Variants in KLF8 observed in about 807,000 individuals in gnomAD.
KLF8 encodes Krueppel-like factor 8.
In KLF8, 10 loss-of-function variants were observed where a neutral mutation model predicts 18.2. That is an observed-to-expected ratio of 0.55 (90% confidence interval 0.34 to 0.93). KLF8 has a LOEUF of 0.93. Among genes scored for constraint, KLF8 ranks in the 40% least tolerant of loss-of-function variants. The pLI, the probability that KLF8 is intolerant of heterozygous loss-of-function variation, is 0.02. For missense variants in KLF8, 264 were observed against 277.9 expected (o/e 0.95, Z 0.36); for synonymous variants, 109 against 97.3 (o/e 1.12, Z -0.71).
At chrX:56,165,798 C>A in the KLF8 span, among the ~76,000 whole-genome samples, 2 of 108,337 alleles carry the variant, frequency 1.8e-5, no homozygotes, top group African/African-American at 6.8e-5. Flanking sequence ...GAGTTCAAAG[C>A]TGTAGTGAGC....
At chrX:56,235,480 G>T (rs1319070541) in intron 1 of KLF8, among the ~76,000 whole-genome samples, 1 of 103,941 alleles carries the variant, frequency 9.6e-6, no homozygotes, top group Non-Finnish European at 2.0e-5. Context: ...GCAATGGCGT[G>T]ATCTCGGCTT....
intron 1 of KLF8, among the ~76,000 whole-genome samples, chrX:56,244,725 T>C (rs1284073278): frequency 8.9e-6 from 1 of 112,290 alleles, no homozygotes; most frequent in Non-Finnish European, 1.9e-5. Context: ...CTACTCTTAA[T>C]TCCTCTGGAA....
chrX:55,950,603 G>A, the KLF8 span, among the ~76,000 whole-genome samples: 26 of 111,475 alleles, frequency 2.3e-4, no homozygotes, highest in Admixed American at 2.3e-3. Flanking sequence ...GTAACACTAA[G>A]TGATAGTTAT....
chrX:56,000,458 G>T, the KLF8 span, among the ~76,000 whole-genome samples: 1 of 58,612 alleles, frequency 1.7e-5, no homozygotes, highest in Non-Finnish European at 2.9e-5. Context: ...GGATACATCT[G>T]TTCCTGTGCT....
the KLF8 span, among the ~76,000 whole-genome samples, chrX:56,040,406 C>T: frequency 1.8e-5 from 2 of 111,781 alleles, no homozygotes; most frequent in African/African-American, 6.5e-5. Flanking sequence ...TCCCTCGATA[C>T]CTAGTTTATT....
the KLF8 span, among the ~76,000 whole-genome samples, chrX:55,989,249 G>C: frequency 9.0e-6 from 1 of 111,690 alleles, no homozygotes; most frequent in Non-Finnish European, 1.9e-5. Flanking sequence ...GTTGAATAGG[G>C]GTGGTGAGAG....
chrX:56,070,563 C>T, the KLF8 span, among the ~76,000 whole-genome samples: 1 of 111,284 alleles, frequency 9.0e-6, no homozygotes, highest in African/African-American at 3.3e-5. Flanking sequence ...AACACAGGAA[C>T]AGGAACCCAA....
At chrX:56,026,752 G>A in the KLF8 span, among the ~76,000 whole-genome samples, 1 of 111,712 alleles carries the variant, frequency 9.0e-6, no homozygotes, top group East Asian at 2.8e-4. Context: ...AGATCTCAAA[G>A]AAGCACACGG....
the KLF8 span, among the ~76,000 whole-genome samples, chrX:55,924,209 A>G: frequency 2.7e-5 from 3 of 110,751 alleles, no homozygotes; most frequent in Non-Finnish European, 5.7e-5. Context: ...AGCTAAGACT[A>G]CAGGTGCCCA....
At chrX:56,231,915 G>C (rs753055549), upstream of KLF8, among the ~76,000 whole-genome samples, 1 of 110,109 alleles carries the variant, frequency 9.1e-6, no homozygotes, top group Non-Finnish European at 1.9e-5. Flanking sequence ...CACCTCCTTG[G>C]CTTATCTCTT....
chrX:56,142,135 C>T, the KLF8 span, among the ~76,000 whole-genome samples: 1 of 111,155 alleles, frequency 9.0e-6, no homozygotes, highest in Non-Finnish European at 1.9e-5. Context: ...TTTCGTGGAA[C>T]CTATGAAGTA....
chrX:55,929,608 C>T, the KLF8 span, among the ~76,000 whole-genome samples: 326 of 111,781 alleles, frequency 2.9e-3, 1 homozygote, highest in African/African-American at 0.01. Context: ...TTCCCAACAC[C>T]ATTTATTAAA....
At chrX:56,138,236 G>C in the KLF8 span, among the ~76,000 whole-genome samples, 1 of 110,831 alleles carries the variant, frequency 9.0e-6, no homozygotes, top group African/African-American at 3.3e-5. Flanking sequence ...AATCACACCA[G>C]ATGTTTAAAG....
the KLF8 span, among the ~76,000 whole-genome samples, chrX:56,077,917 G>A: frequency 9.1e-6 from 1 of 109,399 alleles, no homozygotes; most frequent in African/African-American, 3.5e-5. Context: ...GTGAATGGGA[G>A]TTCACTCATG....
chrX:55,924,156 G>A, the KLF8 span, among the ~76,000 whole-genome samples: 20 of 111,403 alleles, frequency 1.8e-4, 2 homozygotes, highest in South Asian at 7.3e-3. Flanking sequence ...TGCAAGCTCC[G>A]CCTCCCAGGT....
intron 5 of KLF8, among the ~76,000 whole-genome samples, chrX:56,279,101 A>G (rs747348090): frequency 1.1e-4 from 12 of 111,698 alleles, no homozygotes; most frequent in South Asian, 7.5e-4. Context: ...TTCTTTTAAC[A>G]ATATGAAGTT....
At chrX:56,243,837 A>C in intron 1 of KLF8, among the ~76,000 whole-genome samples, 1 of 110,854 alleles carries the variant, frequency 9.0e-6, no homozygotes, top group East Asian at 2.9e-4. Flanking sequence ...CCCGGCCCAA[A>C]ACTCTTGAAT....
chrX:56,276,727 G>T lies in KLF8; in HGVS notation c.898+6406G>T, dbSNP rs145400201. 4.0e-3 allele frequency among the ~76,000 whole-genome samples: 447 copies of T among 111,262 alleles called. 5 individuals are homozygous for T. The highest frequency in any genetic ancestry group is 0.014 in the African/African-American group (419 of 30,607). On this transcript the variant is annotated intron_variant, in intron 5 of 5. Coordinates refer to ENST00000468660, the MANE Select transcript of KLF8 (RefSeq NM_007250.5). ...TTTAATTATTAAATGCTTTGAGGTG[G>T]TCTTCTTTGGGTTAAATTTGCTTGG...
the KLF8 span, among the ~76,000 whole-genome samples, chrX:55,981,356 T>A: frequency 8.9e-6 from 1 of 112,180 alleles, no homozygotes; most frequent in Non-Finnish European, 1.9e-5. Flanking sequence ...TAATTAGGGC[T>A]ACACTATTGG....
Sources: allele counts gnomAD v4.1 joint callset (sites outside exome capture counted in the v4.1 genomes callset), GRCh38; gene constraint gnomAD v4.1.1; transcripts MANE v1.5; gene names NCBI Gene and HGNC (gene_info 2026-07-23, HGNC 2026-07-21).